The following SPATA9 variants were observed in gnomAD, a reference collection of about 807,000 sequenced individuals.
SPATA9 encodes spermatogenesis associated 9.
A neutral mutation model predicts 25.5 loss-of-function variants in SPATA9; 27 were observed. The observed-to-expected ratio is 1.06, with a 90% confidence interval of 0.78 to 1.46. The LOEUF (loss-of-function observed/expected upper bound fraction) is 1.46. Among genes scored for constraint, SPATA9 ranks in the 40% most tolerant of loss-of-function variants. The probability of loss-of-function intolerance (pLI) is 0.00; values close to 1 mark genes in which losing one functional copy is unlikely to be tolerated. For synonymous variants in SPATA9, 102 were observed against 105.7 expected, an observed-to-expected ratio of 0.97 and a Z score of 0.21; for missense variants, 282 against 297.5, an observed-to-expected ratio of 0.95 and a Z score of 0.38.
At chr5:95,710,168 C>A in the SPATA9 span, among the ~76,000 whole-genome samples, 1 of 152,192 alleles carries the variant, frequency 6.6e-6, no homozygotes, top group Non-Finnish European at 1.5e-5. Context: ...ATACTCCCTG[C>A]TCGAGAAAGC....
At chr5:95,658,963 A>G in intron 4 of SPATA9, 50 bp from the exon 5 acceptor site, 2 of 1,535,360 alleles carry the variant, frequency 1.3e-6, no homozygotes, top group Non-Finnish European at 1.7e-6. Flanking sequence ...TAAGCTACTA[A>G]CCACAGATTA....
At chr5:95,679,953 A>T (rs1753287628) in intron 2 of SPATA9, among the ~76,000 whole-genome samples, 1 of 152,240 alleles carries the variant, frequency 6.6e-6, no homozygotes, top group Non-Finnish European at 1.5e-5. Flanking sequence ...GCTGGCGTGC[A>T]GTGGCGCGAT....
the SPATA9 span, among the ~76,000 whole-genome samples, chr5:95,726,801 A>G: frequency 6.6e-6 from 1 of 152,210 alleles, no homozygotes; most frequent in Non-Finnish European, 1.5e-5. Context: ...GTGGCAATAT[A>G]TTGAAAGTGA....
At chr5:95,661,537 T>C (rs966145244) in intron 4 of SPATA9, among the ~76,000 whole-genome samples, 3 of 152,276 alleles carry the variant, frequency 2.0e-5, no homozygotes, top group Admixed American at 2.0e-4. Context: ...AATCTAATTT[T>C]TGTGTTAGTC....
At chr5:95,685,974 C>T (rs1489236858), upstream of SPATA9, among the ~76,000 whole-genome samples, 3 of 152,062 alleles carry the variant, frequency 2.0e-5, no homozygotes, top group Non-Finnish European at 4.4e-5. Context: ...GTAGCTGGGA[C>T]TACAGGCACC....
At chr5:95,716,550 A>T in the SPATA9 span, among the ~76,000 whole-genome samples, 1 of 152,200 alleles carries the variant, frequency 6.6e-6, no homozygotes, top group African/African-American at 2.4e-5. Flanking sequence ...TTTTGATTTT[A>T]CAGGCTCCTA....
At chr5:95,680,676 G>T (rs373697661) in intron 2 of SPATA9, among the ~76,000 whole-genome samples, 1 of 152,140 alleles carries the variant, frequency 6.6e-6, no homozygotes, top group South Asian at 2.1e-4. Flanking sequence ...GTTAGTTAAA[G>T]ACATGGTTTA....
Position 95,658,813 on chromosome 5 carries a change from G to C in SPATA9, c.575C>G (p.Ala192Gly). The C allele has an allele frequency of 6.2e-7, 1 of 1,613,894 alleles. No individual in the cohort carries two copies. Among genetic ancestry groups the C allele is most frequent in the Non-Finnish European group, 8.5e-7 (1 of 1,179,912 alleles). The change falls in exon 5 of 5, where the codon GCC becomes GGC. Residue 192 changes from alanine to glycine, a missense_variant. Ala to Gly is a moderately conservative substitution (Grantham distance 60, BLOSUM62 0). Transcript: ENST00000274432. ...NREESENCRK[A>G]FSEPVLSEPM... ...CTCCGAAAGCACAGGCTCAGAAAAG[G>C]CTTTTCTACAATTTTCACTCTCCTC... is the stretch of plus-strand genomic sequence containing the variant.
upstream of SPATA9, among the ~76,000 whole-genome samples, chr5:95,701,845 A>G (rs376074578): frequency 6.6e-6 from 1 of 152,196 alleles, no homozygotes; most frequent in Non-Finnish European, 1.5e-5. Context: ...CAGACTTCAT[A>G]TGTTTTACAG....
chr5:95,677,286 G>C (rs1037244155), intron 2 of SPATA9, among the ~76,000 whole-genome samples: 7 of 152,026 alleles, frequency 4.6e-5, no homozygotes, highest in Non-Finnish European at 8.8e-5. Flanking sequence ...TTTTTCTCCA[G>C]AGCCAAAGTA....
intron 1 of SPATA9, among the ~76,000 whole-genome samples, chr5:95,697,462 G>C (rs1216359510): frequency 1.3e-5 from 2 of 152,196 alleles, no homozygotes; most frequent in East Asian, 3.8e-4. Context: ...GACACACAGA[G>C]AGAGAGAGAC....
downstream of SPATA9, among the ~76,000 whole-genome samples, chr5:95,655,150 T>A (rs1750665074): frequency 6.6e-6 from 1 of 152,194 alleles, no homozygotes; most frequent in Non-Finnish European, 1.5e-5. Flanking sequence ...TTAAAGAACG[T>A]ATGTGTGTTT....
chr5:95,674,286 T>C (rs1752701621), intron 3 of SPATA9, among the ~76,000 whole-genome samples: 1 of 152,216 alleles, frequency 6.6e-6, no homozygotes, highest in Non-Finnish European at 1.5e-5. Flanking sequence ...GATCCATTTC[T>C]TACCTTCTTG....
chr5:95,672,959 C>A (rs1057454767), intron 3 of SPATA9, among the ~76,000 whole-genome samples: 2 of 152,148 alleles, frequency 1.3e-5, no homozygotes, highest in Non-Finnish European at 2.9e-5. Context: ...AACAGCCTTG[C>A]AAAGTAGAAA....
chr5:95,682,703 C>A, intron 1 of SPATA9, 87 bp from the exon 2 acceptor site: 1 of 1,510,094 alleles, frequency 6.6e-7, no homozygotes. Context: ...GATCAAATTC[C>A]TAGATGACTC....
At chr5:95,717,774 T>A in the SPATA9 span, 1 of 152,212 alleles carries the variant, frequency 6.6e-6, no homozygotes, top group Non-Finnish European at 1.5e-5. Context: ...AGGTGAGGAA[T>A]CATTATAATA....
chr5:95,722,505 T>C, the SPATA9 span, among the ~76,000 whole-genome samples: 3 of 152,156 alleles, frequency 2.0e-5, no homozygotes, highest in Admixed American at 2.0e-4. Flanking sequence ...GAGGTTTTTT[T>C]TTTGAGATGG....
the SPATA9 span, among the ~76,000 whole-genome samples, chr5:95,726,209 C>T: frequency 6.6e-6 from 1 of 152,206 alleles, no homozygotes; most frequent in Non-Finnish European, 1.5e-5. Flanking sequence ...TATTTGCTAA[C>T]AAAGGAATGC....
At chr5:95,681,109 AAAAAAGTATTTTTGT>A (rs1753416176) in intron 2 of SPATA9, among the ~76,000 whole-genome samples, 1 of 152,186 alleles carries the variant, frequency 6.6e-6, no homozygotes, top group Non-Finnish European at 1.5e-5. Flanking sequence ...CATTACCACT[AAAAAAGTATTTTTGT>A]TGTGCAAACT....
Sources: allele counts gnomAD v4.1 joint callset (sites outside exome capture counted in the v4.1 genomes callset), GRCh38; gene constraint gnomAD v4.1.1; transcripts MANE v1.5; gene names NCBI Gene and HGNC (gene_info 2026-07-23, HGNC 2026-07-21).